The following TNIK variants were observed in gnomAD, a reference collection of about 807,000 sequenced individuals.
TNIK encodes the protein TRAF2 and NCK-interacting protein kinase.
A neutral mutation model predicts 191.3 loss-of-function variants in TNIK; 49 were observed. The ratio of observed to expected loss-of-function variants is 0.26; its 90% CI spans 0.20 to 0.32. The LOEUF is 0.32. Ranked by LOEUF, TNIK falls within the 10% of genes least tolerant of loss-of-function variation. The pLI, the probability that TNIK is intolerant of heterozygous loss-of-function variation, is 1.00. For missense variants in TNIK, 1,155 were observed against 1,702.3 expected (o/e 0.68, Z 5.66); for synonymous variants, 594 against 600.9 (o/e 0.99, Z 0.17).
chr3:171,196,952 TC>T (rs2108854466), intron 4 of TNIK, among the ~76,000 whole-genome samples: 1 of 152,302 alleles, frequency 6.6e-6, no homozygotes, highest in South Asian at 2.1e-4. Context: ...ACACGGGGTT[TC>T]ACCATGTTAG....
At chr3:171,416,175 A>T (rs1723061464) in intron 1 of TNIK, among the ~76,000 whole-genome samples, 1 of 151,962 alleles carries the variant, frequency 6.6e-6, no homozygotes, top group South Asian at 2.1e-4. Flanking sequence ...TTTGAGAAGA[A>T]GGTCCAAGTT....
chr3:171,104,707 GCTT>G (rs1553810853), intron 21 of TNIK, among the ~76,000 whole-genome samples: 1 of 151,732 alleles, frequency 6.6e-6, no homozygotes, highest in Non-Finnish European at 1.5e-5. Context: ...AAAATTTTTA[GCTT>G]TTTTTTCTCT....
At chr3:171,217,492 C>G (rs895261985) in intron 3 of TNIK, among the ~76,000 whole-genome samples, 19 of 152,138 alleles carry the variant, frequency 1.2e-4, no homozygotes, top group Admixed American at 8.5e-4. Flanking sequence ...CTCAACATCA[C>G]ACAACATACC....
chr3:171,405,037 G>A (rs1372528210), intron 1 of TNIK, among the ~76,000 whole-genome samples: 2 of 152,172 alleles, frequency 1.3e-5, no homozygotes, highest in African/African-American at 4.8e-5. Flanking sequence ...GTTTTACACA[G>A]GTTAGCTTGT....
chr3:171,315,334 G>A (rs960760242), intron 2 of TNIK, among the ~76,000 whole-genome samples: 4 of 152,090 alleles, frequency 2.6e-5, no homozygotes, highest in African/African-American at 9.7e-5. Flanking sequence ...ATAGACAACT[G>A]AAATGGAACA....
chr3:171,191,554 A>G (rs112185125), intron 5 of TNIK, among the ~76,000 whole-genome samples: 1 of 152,352 alleles, frequency 6.6e-6, no homozygotes, highest in African/African-American at 2.4e-5. Flanking sequence ...TACAATTTTA[A>G]TTAAGCGAAG....
intron 2 of TNIK, among the ~76,000 whole-genome samples, chr3:171,230,174 G>T (rs768943448): frequency 1.3e-5 from 2 of 152,176 alleles, no homozygotes; most frequent in Non-Finnish European, 2.9e-5. Context: ...GAGCAGCAAC[G>T]CTACCTTTCC....
At chr3:171,206,447 A>G (rs760239290) in intron 4 of TNIK, among the ~76,000 whole-genome samples, 3 of 151,726 alleles carry the variant, frequency 2.0e-5, no homozygotes, top group Admixed American at 6.6e-5. Context: ...CCATGAGAAG[A>G]GCAATTGGCC....
chr3:171,435,722 A>G (rs946373847), intron 1 of TNIK, among the ~76,000 whole-genome samples: 1 of 152,208 alleles, frequency 6.6e-6, no homozygotes, highest in African/African-American at 2.4e-5. Flanking sequence ...GGGCTTACAT[A>G]GCATTTTCTG....
At chr3:171,312,572 T>G (rs992177288) in intron 2 of TNIK, among the ~76,000 whole-genome samples, 1 of 152,136 alleles carries the variant, frequency 6.6e-6, no homozygotes, top group African/African-American at 2.4e-5. Context: ...AGAAGATCTA[T>G]TTAACTGGGT....
chr3:171,132,639 T>C (rs1729466187), intron 15 of TNIK, among the ~76,000 whole-genome samples: 1 of 152,224 alleles, frequency 6.6e-6, no homozygotes, highest in African/African-American at 2.4e-5. Flanking sequence ...GTCAAATTGT[T>C]TTTTATATTT....
intron 2 of TNIK, among the ~76,000 whole-genome samples, chr3:171,286,512 G>A (rs1751031228): frequency 6.6e-6 from 1 of 152,146 alleles, no homozygotes; most frequent in East Asian, 1.9e-4. Context: ...ATGCACACCT[G>A]TAATCTCAGC....
At chr3:171,119,088 C>T (rs1204260933) in intron 18 of TNIK, among the ~76,000 whole-genome samples, 1 of 151,964 alleles carries the variant, frequency 6.6e-6, no homozygotes, top group African/African-American at 2.4e-5. Context: ...AGAACTCAAA[C>T]AAATTTATAA....
At chr3:171,387,501 G>C (rs1455731470) in intron 1 of TNIK, among the ~76,000 whole-genome samples, 1 of 152,078 alleles carries the variant, frequency 6.6e-6, no homozygotes, top group African/African-American at 2.4e-5. Flanking sequence ...AATCTTTCTA[G>C]GGATAGTTCT....
At chr3:171,387,070 G>A (rs12634652) in intron 1 of TNIK, among the ~76,000 whole-genome samples, 7,499 of 152,218 alleles carry the variant, frequency 0.049, 546 homozygotes, top group East Asian at 0.31. Flanking sequence ...TAAATAAGCT[G>A]AGCATGTTTG....
Position 171,347,164 on chromosome 3 carries a change from A to T in TNIK, c.123+22456T>A, listed in dbSNP as rs1388505377. 3 of 1,525,056 alleles carry T rather than the reference A, an allele frequency of 2.0e-6. No individual in the cohort carries two copies. The South Asian group carries it at 3.6e-5, about 18-fold the overall frequency. 94.5% of individuals were successfully genotyped at this position (1,525,056 alleles called of 1,614,324 possible). On this transcript the variant is annotated intron_variant, in intron 2 of 32. Coordinates refer to ENST00000436636, the MANE Select transcript of TNIK (RefSeq NM_015028.4). The stretch of plus-strand genomic sequence containing the variant: ...AATTCAGGAGATGATGTCATGGGTG[A>T]CTCCTAGTTGGTTCTTGGAGTTGTG...
chr3:171,450,460 C>T (rs1313640825), intron 1 of TNIK, among the ~76,000 whole-genome samples: 3 of 152,252 alleles, frequency 2.0e-5, no homozygotes, highest in Middle Eastern at 3.4e-3. Context: ...AGTTGAGGGA[C>T]GTGGTATAAC....
chr3:171,298,328 G>C (rs1443911753), intron 2 of TNIK, among the ~76,000 whole-genome samples: 1 of 152,108 alleles, frequency 6.6e-6, no homozygotes, highest in Non-Finnish European at 1.5e-5. Context: ...TTAACAAATG[G>C]AACTTTTTTT....
At chr3:171,375,193 G>A (rs1190570631) in intron 1 of TNIK, among the ~76,000 whole-genome samples, 2 of 152,108 alleles carry the variant, frequency 1.3e-5, no homozygotes, top group Non-Finnish European at 2.9e-5. Context: ...GACTAGCTTG[G>A]GGCCTGATAT....
Sources: allele counts gnomAD v4.1 joint callset (sites outside exome capture counted in the v4.1 genomes callset), GRCh38; gene constraint gnomAD v4.1.1; transcripts MANE v1.5; gene names NCBI Gene and HGNC (gene_info 2026-07-23, HGNC 2026-07-21).